Variants in NALCN observed in about 807,000 individuals in gnomAD.
NALCN encodes sodium leak channel, non-selective, also known as sodium leak channel NALCN.
A neutral mutation model predicts 225.3 loss-of-function variants in NALCN; 111 were observed. The observed-to-expected ratio is 0.49, with a 90% CI of 0.42 to 0.58. NALCN has a LOEUF of 0.58. Among genes scored for constraint, NALCN ranks in the 20% least tolerant of loss-of-function variants. The pLI is 0.00. For synonymous variants in NALCN, 764 were observed against 769.0 expected (o/e 0.99, Z 0.11); for missense variants, 1,378 against 2,202.4 (o/e 0.63, Z 7.49).
At chr13:101,127,191 C>T (rs1312787485) in intron 17 of NALCN, among the ~76,000 whole-genome samples, 1 of 152,172 alleles carries the variant, frequency 6.6e-6, no homozygotes, top group Admixed American at 6.5e-5. Context: ...CACAAGATTG[C>T]TAAAAGGCTA....
chr13:101,411,753 G>C (rs1263487519), intron 1 of NALCN, among the ~76,000 whole-genome samples: 2 of 151,962 alleles, frequency 1.3e-5, no homozygotes, highest in Non-Finnish European at 2.9e-5. Context: ...ATGACTTTAC[G>C]GTCTTTTTTC....
Position 101,313,432 on chromosome 13 carries a change from C to T in NALCN, c.800-21066G>A, listed in dbSNP as rs367617357. Among the ~76,000 whole-genome samples, 11 of 151,922 alleles carry T rather than the reference C, an allele frequency of 7.2e-5. No individual in the cohort carries two copies. The South Asian group carries it at 1.0e-3, about 14-fold the overall frequency. On this transcript the variant is annotated intron_variant, in intron 7 of 43. Transcript: ENST00000251127. ...GGGAGAAAATTTTTCATCTGACAAA[C>T]GGCTAATATCCAGAATCTACAATGA...
chr13:101,082,025 G>A (rs1963453), intron 33 of NALCN, among the ~76,000 whole-genome samples: 47,603 of 151,866 alleles, frequency 0.31, 8,335 homozygotes, highest in East Asian at 0.48. Flanking sequence ...TTATAGGCAC[G>A]TGCAACCACT....
intron 25 of NALCN, among the ~76,000 whole-genome samples, chr13:101,103,892 T>A (rs1319216490): frequency 6.6e-6 from 1 of 152,154 alleles, no homozygotes; most frequent in East Asian, 1.9e-4. Context: ...AGAGATACAA[T>A]CACAATCACT....
intron 10 of NALCN, among the ~76,000 whole-genome samples, chr13:101,266,098 T>A (rs2042586956): frequency 6.6e-6 from 1 of 152,222 alleles, no homozygotes; most frequent in African/African-American, 2.4e-5. Flanking sequence ...GAAATGAGTA[T>A]GATGACATCT....
At chr13:101,263,296 C>T (rs1220382456) in intron 10 of NALCN, among the ~76,000 whole-genome samples, 3 of 152,168 alleles carry the variant, frequency 2.0e-5, no homozygotes, top group Admixed American at 2.0e-4. Flanking sequence ...AAATGACTGA[C>T]CTTCATAACA....
chr13:101,177,099 G>A (rs1477175528), intron 14 of NALCN, among the ~76,000 whole-genome samples: 1 of 152,182 alleles, frequency 6.6e-6, no homozygotes, highest in Non-Finnish European at 1.5e-5. Context: ...TCCATGTGGT[G>A]AGGAACTGAG....
intron 17 of NALCN, among the ~76,000 whole-genome samples, chr13:101,137,375 C>T (rs1296493318): frequency 1.5e-5 from 2 of 137,138 alleles, no homozygotes; most frequent in Admixed American, 7.2e-5. Flanking sequence ...TTTGTTCATT[C>T]TCTCTCTCTC....
intron 3 of NALCN, among the ~76,000 whole-genome samples, chr13:101,380,560 T>C (rs1408443057): frequency 6.6e-6 from 1 of 152,120 alleles, no homozygotes; most frequent in Non-Finnish European, 1.5e-5. Context: ...ACATATATCA[T>C]TACCTCCTCT....
intron 11 of NALCN, among the ~76,000 whole-genome samples, chr13:101,250,106 T>C (rs1290099644): frequency 2.0e-5 from 3 of 152,068 alleles, no homozygotes; most frequent in Non-Finnish European, 4.4e-5. Flanking sequence ...TGAAATTATT[T>C]CATTCACAAA....
chr13:101,231,223 T>C (rs2041334189), intron 12 of NALCN, among the ~76,000 whole-genome samples: 1 of 152,110 alleles, frequency 6.6e-6, no homozygotes, highest in Non-Finnish European at 1.5e-5. Flanking sequence ...TCTAAATATA[T>C]ACAGATATAT....
chr13:101,373,731 C>T (rs949013872), intron 6 of NALCN, among the ~76,000 whole-genome samples: 2 of 152,086 alleles, frequency 1.3e-5, no homozygotes, highest in Non-Finnish European at 1.5e-5. Flanking sequence ...CATCTTGACC[C>T]GTACCTCATA....
At chr13:101,412,530 G>A (rs546771991) in intron 1 of NALCN, among the ~76,000 whole-genome samples, 1 of 152,244 alleles carries the variant, frequency 6.6e-6, no homozygotes, top group South Asian at 2.1e-4. Flanking sequence ...GCCTTGCCCT[G>A]GGATCTCATG....
At chr13:101,313,231 A>G (rs1157284705) in intron 7 of NALCN, among the ~76,000 whole-genome samples, 2 of 152,036 alleles carry the variant, frequency 1.3e-5, no homozygotes, top group Non-Finnish European at 2.9e-5. Context: ...TAAAAACCCT[A>G]GAGGAAAACC....
chr13:101,122,364 C>G (rs2036020195), intron 18 of NALCN, among the ~76,000 whole-genome samples: 1 of 151,948 alleles, frequency 6.6e-6, no homozygotes, highest in South Asian at 2.1e-4. Context: ...GGTGATATAG[C>G]TCAGGTAGTT....
chr13:101,290,791 C>T (rs573850866), intron 9 of NALCN, among the ~76,000 whole-genome samples: 2 of 152,086 alleles, frequency 1.3e-5, no homozygotes, highest in Non-Finnish European at 2.9e-5. Flanking sequence ...TTGATAGATA[C>T]CTTTGTCTTA....
At chr13:101,346,145 G>A (rs532509860) in intron 6 of NALCN, among the ~76,000 whole-genome samples, 1 of 143,038 alleles carries the variant, frequency 7.0e-6, no homozygotes, top group African/African-American at 2.6e-5. Context: ...ATGTGTATCT[G>A]AATATAGTTT....
chr13:101,246,509 A>G (rs1485088056), intron 11 of NALCN, among the ~76,000 whole-genome samples: 1 of 152,150 alleles, frequency 6.6e-6, no homozygotes, highest in Non-Finnish European at 1.5e-5. Flanking sequence ...TAAATCACCT[A>G]CTCTTAGCTT....
intron 11 of NALCN, among the ~76,000 whole-genome samples, chr13:101,241,659 T>G (rs1232499147): frequency 6.6e-6 from 1 of 152,018 alleles, no homozygotes; most frequent in Non-Finnish European, 1.5e-5. Flanking sequence ...GCCAGGTTGG[T>G]CTCGAACTCC....
Sources: gnomAD v4.1 joint callset for allele counts (sites outside exome capture counted in the v4.1 genomes callset) on GRCh38, gnomAD v4.1.1 for gene constraint, MANE v1.5 for transcripts, NCBI Gene and HGNC (gene_info 2026-07-23, HGNC 2026-07-21) for gene names.